CCSER2: variants seen among roughly 807,000 people sequenced by gnomAD.
CCSER2 encodes serine-rich coiled-coil domain-containing protein 2.
Under a neutral mutation model 92.3 loss-of-function variants are expected in CCSER2, and 46 were observed. The observed-to-expected ratio is 0.50, with a 90% CI of 0.39 to 0.64. The LOEUF (loss-of-function observed/expected upper bound fraction) is 0.64, where lower values mean the gene tolerates loss of function less well. CCSER2 is among the 30% of genes least tolerant of loss of function. The pLI is 0.00. For synonymous variants in CCSER2, 433 were observed against 431.4 expected (o/e 1.00, Z -0.04); for missense variants, 1,244 against 1,238.9 (o/e 1.00, Z -0.06).
chr10:84,457,193 C>T (rs1475598394), intron 6 of CCSER2, among the ~76,000 whole-genome samples: 2 of 118,954 alleles, frequency 1.7e-5, no homozygotes, highest in Non-Finnish European at 3.4e-5. Context: ...TCTTCCAGTC[C>T]ATGTCTTCTT....
chr10:84,454,137 A>AAC (rs1845461056), intron 6 of CCSER2, among the ~76,000 whole-genome samples: 1 of 152,172 alleles, frequency 6.6e-6, no homozygotes, highest in African/African-American at 2.4e-5. Flanking sequence ...AAGGCTCTGT[A>AAC]AGAGAAACTT....
intron 4 of CCSER2, among the ~76,000 whole-genome samples, chr10:84,421,816 C>T (rs1373353617): frequency 6.6e-6 from 1 of 152,138 alleles, no homozygotes; most frequent in Non-Finnish European, 1.5e-5. Context: ...ACCCAAAGAC[C>T]TAGGGAAAAC....
intron 9 of CCSER2, among the ~76,000 whole-genome samples, chr10:84,484,169 G>T (rs1310952694): frequency 2.0e-5 from 3 of 151,004 alleles, no homozygotes; most frequent in Non-Finnish European, 4.4e-5. Flanking sequence ...GTAGAGACGG[G>T]GTTTCACCGC....
intron 6 of CCSER2, among the ~76,000 whole-genome samples, chr10:84,441,745 T>G (rs1259724804): frequency 5.3e-5 from 2 of 37,828 alleles, no homozygotes; most frequent in Admixed American, 3.1e-4. Flanking sequence ...TGTTTTTTTT[T>G]TTTTTTTTTT....
chr10:84,410,731 T>C (rs1185014379), intron 3 of CCSER2, among the ~76,000 whole-genome samples: 1 of 152,248 alleles, frequency 6.6e-6, no homozygotes, highest in Non-Finnish European at 1.5e-5. Flanking sequence ...TTCACCCTTA[T>C]GATAGTTTCC....
intron 9 of CCSER2, among the ~76,000 whole-genome samples, chr10:84,496,240 A>C (rs1363994762): frequency 6.6e-6 from 1 of 152,182 alleles, no homozygotes; most frequent in Admixed American, 6.5e-5. Context: ...ACATAAGAAA[A>C]TGTCACAGCC....
intron 3 of CCSER2, among the ~76,000 whole-genome samples, chr10:84,386,665 A>G (rs925543647): frequency 2.6e-5 from 4 of 152,214 alleles, no homozygotes; most frequent in Non-Finnish European, 5.9e-5. Flanking sequence ...GCAATGGCGG[A>G]GGCTGCGGTG....
intron 6 of CCSER2, among the ~76,000 whole-genome samples, chr10:84,459,171 T>C (rs1413600457): frequency 2.6e-5 from 4 of 151,902 alleles, no homozygotes; most frequent in Non-Finnish European, 5.9e-5. Flanking sequence ...CCACGCTTGG[T>C]TAATTTTTGT....
intron 3 of CCSER2, among the ~76,000 whole-genome samples, chr10:84,381,917 C>CAAAAAA (rs544545707): frequency 1.7e-5 from 2 of 120,028 alleles, no homozygotes; most frequent in South Asian, 2.9e-4. Flanking sequence ...AAGGCTTTCT[C>CAAAAAA]AAAAAAAAAA....
chr10:84,388,409 G>A lies in CCSER2; in HGVS notation c.1614+14594G>A, dbSNP rs578023943. On this transcript the variant is annotated intron_variant, in intron 3 of 9. Transcript: ENST00000372088. Reference sequence around the variant, plus strand: ...TATCTTTTCTACTGAGGCCACTGTAGAATGTTATTTTCCACATTCATTCAT... The same window carrying A: ...TATCTTTTCTACTGAGGCCACTGTAAAATGTTATTTTCCACATTCATTCAT... Among the ~76,000 whole-genome samples, 3 of 152,284 alleles carry A rather than the reference G, an allele frequency of 2.0e-5. No individual in the cohort carries two copies. In the East Asian group the frequency reaches 5.8e-4, roughly 29 times the overall value.
At chr10:84,389,338 CT>C in intron 3 of CCSER2, 9 of 523,050 alleles carry the variant, frequency 1.7e-5, no homozygotes, top group South Asian at 1.2e-4. Flanking sequence ...TGTTGACAAT[CT>C]CATCAAAAGT....
At chr10:84,391,385 C>T in intron 3 of CCSER2, 3 of 1,454,660 alleles carry the variant, frequency 2.1e-6, no homozygotes, top group Non-Finnish European at 2.9e-6. Context: ...CATCCTAACA[C>T]TAATGCATCA....
chr10:84,411,613 G>A (rs565942518), intron 3 of CCSER2, among the ~76,000 whole-genome samples: 108 of 152,150 alleles, frequency 7.1e-4, no homozygotes, highest in Admixed American at 5.2e-3. Context: ...TCAGCTTGCC[G>A]GTTGTTGGTG....
intron 3 of CCSER2, among the ~76,000 whole-genome samples, chr10:84,382,420 A>G (rs190187434): frequency 3.3e-5 from 5 of 152,350 alleles, no homozygotes; most frequent in East Asian, 1.9e-4. Flanking sequence ...TTTGAACTCA[A>G]TAAACTTTTA....
At position 84,346,760 on chromosome 10, in the gene CCSER2, T is replaced by TTATA. The variant is rs767734162; in HGVS notation, c.-40+17966_-40+17969dup. Among the ~76,000 whole-genome samples, 720 of 98,014 alleles carry TTATA rather than the reference T, an allele frequency of 7.3e-3. 3 individuals carry two copies. Among genetic ancestry groups the TTATA allele is most frequent in the African/African-American group, 0.018 (561 of 30,662 alleles). The allele number at this position is 98,014 out of a possible 152,430, so 64.3% of individuals were successfully genotyped here. On this transcript the variant is annotated intron_variant, in intron 1 of 9. Coordinates refer to ENST00000372088, the MANE Select transcript of CCSER2 (RefSeq NM_001284240.2). ...CTTGGCAATCCTCATTTCTTTTTTTTTATATATATATATATATTTATTTAT... is the reference window on the plus strand; with the variant it reads ...CTTGGCAATCCTCATTTCTTTTTTTTTATATATATATATATATATATTTATTTAT...
chr10:84,366,725 A>G (rs1195497688), intron 1 of CCSER2, among the ~76,000 whole-genome samples: 1 of 152,214 alleles, frequency 6.6e-6, no homozygotes, highest in Non-Finnish European at 1.5e-5. Context: ...AATCAAATAG[A>G]GTAGCTTGCT....
In CCSER2 at chr10:84,470,397, A is replaced by G; in HGVS notation, c.2174A>G (p.Lys725Arg). Residue 725 changes from lysine (K) to arginine (R), a missense_variant, in exon 8 of 10, where the codon AAA (lysine) becomes AGA (arginine). Transcript: ENST00000372088. ...YKNEDLLNEI[K>R]QLKDEIKKKD... ...AATGAAGATTTATTAAATGAAATAA[A>G]ACAACTTAAAGACGAAATAAAGAAA... 7.3e-7 allele frequency: 1 copy of G among 1,372,692 alleles called. No individual in the cohort carries two copies. Among genetic ancestry groups the G allele is most frequent in the Admixed American group, 2.6e-5 (1 of 37,832 alleles). The allele number at this position is 1,372,692 out of a possible 1,614,324, so 85.0% of individuals were successfully genotyped here.
At chr10:84,466,508 G>GTTTTT (rs573093442) in intron 7 of CCSER2, among the ~76,000 whole-genome samples, 2 of 138,802 alleles carry the variant, frequency 1.4e-5, no homozygotes, top group Non-Finnish European at 1.6e-5. Context: ...TGTTTTTTTG[G>GTTTTT]TTTTTTTTTT....
intron 5 of CCSER2, among the ~76,000 whole-genome samples, chr10:84,436,923 A>G (rs1183994440): frequency 6.6e-6 from 1 of 152,200 alleles, no homozygotes; most frequent in African/African-American, 2.4e-5. Flanking sequence ...GGTAGAAACC[A>G]TATTTCTACG....
Sources: gnomAD v4.1 joint callset for allele counts (sites outside exome capture counted in the v4.1 genomes callset) on GRCh38, gnomAD v4.1.1 for gene constraint, MANE v1.5 for transcripts, NCBI Gene and HGNC (gene_info 2026-07-23, HGNC 2026-07-21) for gene names.